The following WNT16 variants were observed in gnomAD, a reference collection of about 807,000 sequenced individuals.
WNT16 encodes protein Wnt-16.
In WNT16, 20 loss-of-function variants were observed where a neutral mutation model predicts 35.4. That is an observed-to-expected ratio of 0.56 (90% CI 0.40 to 0.82). The LOEUF is 0.82. Among genes scored for constraint, WNT16 ranks in the 40% least tolerant of loss-of-function variants. The pLI is 0.00. For missense variants in WNT16, 461 were observed against 466.0 expected, an observed-to-expected ratio of 0.99 and a Z score of 0.10; for synonymous variants, 180 against 179.2, an observed-to-expected ratio of 1.00 and a Z score of -0.03.
rs775645002 is a variant in WNT16 at position 121,329,564 on chromosome 7, C to T, written c.96-3C>T. ...TAACGCTACGGGCGGCCGTGTCTTA[C>T]AGGTGGTTGGGCATTGCCTCCTTCG... On this transcript the variant is annotated splice_polypyrimidine_tract_variant and splice_region_variant and intron_variant, in intron 1 of 3. Coordinates refer to ENST00000222462, the MANE Select transcript of WNT16 (RefSeq NM_057168.2). 6 of 1,613,908 alleles carry T rather than the reference C, an allele frequency of 3.7e-6. No homozygotes were observed. Among genetic ancestry groups the T allele is most frequent in the Non-Finnish European group, 4.2e-6 (5 of 1,179,860 alleles).
chr7:121,325,983 G>A (rs1192057361), upstream of WNT16, among the ~76,000 whole-genome samples: 1 of 133,164 alleles, frequency 7.5e-6, no homozygotes, highest in Non-Finnish European at 1.5e-5. Context: ...AGGCTGCAGT[G>A]AGTCATGATA....
Position 121,340,115 on chromosome 7 carries a change from A to T in WNT16, c.*770A>T, listed in dbSNP as rs940825056. 6.6e-6 allele frequency: 1 copy of T among 152,206 alleles called. No homozygotes were observed. The highest frequency in any genetic ancestry group is 1.5e-5 in the Non-Finnish European group (1 of 68,018). The allele number at this position is 152,206 out of a possible 1,614,324, so 9.4% of individuals were successfully genotyped here. A position where few individuals can be genotyped will look rare whatever the true frequency, so the allele number is the denominator to read the frequency against. On this transcript the variant is annotated 3_prime_UTR_variant, in exon 4 of 4. Coordinates refer to ENST00000222462, the MANE Select transcript of WNT16 (RefSeq NM_057168.2). Reference sequence around the variant, plus strand: ...CTTTAGATTCATACTTTTATCACAGATCAGTTTCAACTGTTAAAAACCCAC... The same window carrying T: ...CTTTAGATTCATACTTTTATCACAGTTCAGTTTCAACTGTTAAAAACCCAC...
chr7:121,329,868 TCCA>T (rs1793311408), intron 2 of WNT16, 51 bp downstream of exon 2: 9 of 1,579,478 alleles, frequency 5.7e-6, no homozygotes, highest in Non-Finnish European at 6.8e-6. Flanking sequence ...CGACAACTCC[TCCA>T]CCGGTTCCTG....
chr7:121,335,674 C>T (rs1793432108), intron 3 of WNT16, among the ~76,000 whole-genome samples: 1 of 152,012 alleles, frequency 6.6e-6, no homozygotes, highest in Non-Finnish European at 1.5e-5. Context: ...GGAAAATCTC[C>T]AGAATACACT....
intron 3 of WNT16, among the ~76,000 whole-genome samples, chr7:121,334,346 G>A (rs1211230883): frequency 6.6e-6 from 1 of 151,726 alleles, no homozygotes; most frequent in Non-Finnish European, 1.5e-5. Flanking sequence ...TTTCTCTTGA[G>A]GTATTATAAT....
Position 121,329,335 on chromosome 7 carries a change from C to A in WNT16, c.43C>A (p.Leu15Met), listed in dbSNP as rs761555296. 7 of 1,601,284 alleles carry A rather than the reference C, an allele frequency of 4.4e-6. No individual in the cohort carries two copies. The East Asian group carries it at 1.6e-4, about 36-fold the overall frequency. The change falls in exon 1 of 4, where the codon CTG becomes ATG. Residue 15 changes from leucine (L) to methionine (M), a missense_variant. By Grantham distance (15) the Leu-to-Met change is conservative. Coordinates refer to ENST00000222462, the MANE Select transcript of WNT16 (RefSeq NM_057168.2). ...CCTGGGACTGGCCCGCTTGTGCGCG[C>A]TGTGGGCAGCCCTGCTCGTGCTGTT... ...ALLGLARLCA[L>M]WAALLVLFPY... is the part of the protein sequence containing the mutation.
Position 121,329,194 on chromosome 7 carries a change from G to T in WNT16, c.-99G>T. The stretch of plus-strand genomic sequence containing the variant: ...GTATGCAAGGAGGAAGAGGGCGAGG[G>T]ATAACTTGGTGCTGGACAACTGACC... On this transcript the variant is annotated 5_prime_UTR_variant, in exon 1 of 4. Coordinates refer to ENST00000222462, the MANE Select transcript of WNT16 (RefSeq NM_057168.2). 1 of 1,440,538 alleles carries T rather than the reference G, an allele frequency of 6.9e-7. No individual in the cohort carries two copies. 89.2% of individuals were successfully genotyped at this position (1,440,538 alleles called of 1,614,324 possible). A position where few individuals can be genotyped will look rare whatever the true frequency, so the allele number is the denominator to read the frequency against.
upstream of WNT16, among the ~76,000 whole-genome samples, chr7:121,326,065 A>AAAAAAG (rs71170244): frequency 3.3e-5 from 5 of 149,866 alleles, no homozygotes; most frequent in Non-Finnish European, 7.4e-5. Flanking sequence ...AAAAAAAAAA[A>AAAAAAG]GGAGGGGCCT....
rs1346384704 is a variant in WNT16, at chr7:121,329,354, T to G, written c.62T>G (p.Val21Gly). Reference protein sequence around the residue: ...RLCALWAALLVLFPYGAQGNW... With the variant: ...RLCALWAALLGLFPYGAQGNW... ...TGCGCGCTGTGGGCAGCCCTGCTCG[T>G]GCTGTTCCCCTACGGAGCCCAAGGA... The change falls in exon 1 of 4, where the codon GTG becomes GGG. Residue 21 changes from valine (V) to glycine (G), a missense_variant. Val to Gly is a moderately radical substitution (Grantham distance 109). Coordinates refer to ENST00000222462, the MANE Select transcript of WNT16 (RefSeq NM_057168.2). 1 of 1,608,510 alleles carries G rather than the reference T, an allele frequency of 6.2e-7. No individual in the cohort carries two copies. The highest frequency in any genetic ancestry group is 8.5e-7 in the Non-Finnish European group (1 of 1,177,532).
upstream of WNT16, among the ~76,000 whole-genome samples, chr7:121,328,148 G>A (rs986514687): frequency 6.6e-6 from 1 of 152,178 alleles, no homozygotes; most frequent in Non-Finnish European, 1.5e-5. Context: ...GGGACGCATC[G>A]GGTAGGTGGC....
rs1222012080 is a variant in WNT16, at chr7:121,340,452, A to C, written c.*1107A>C. ...TTGGACATCGAAGAGAATTTAACTT[A>C]GCAGTTAGTTATATGGATGTGTATT... On this transcript the variant is annotated 3_prime_UTR_variant, in exon 4 of 4. Transcript: ENST00000222462. The C allele has an allele frequency of 6.6e-6, 1 of 152,058 alleles. No individual in the cohort carries two copies. Among genetic ancestry groups the C allele is most frequent in the African/African-American group, 2.4e-5 (1 of 41,436 alleles). 9.4% of individuals were successfully genotyped at this position (152,058 alleles called of 1,614,324 possible). A position where few individuals can be genotyped will look rare whatever the true frequency, so the allele number is the denominator to read the frequency against.
In WNT16 at chr7:121,330,015, CAGTTCCAGAGCGG is replaced by C. The variant is rs1338299041; in HGVS notation, c.346+201_346+213del. On this transcript the variant is annotated intron_variant, in intron 2 of 3. Transcript: ENST00000222462. ...GCGAGCCTGGAGGGAGGTGACTCCC[CAGTTCCAGAGCGG>C]AGCTCTAGGGGCTGGAGCTCTTCCT... Among the ~76,000 whole-genome samples, 51 of 152,360 alleles carry C rather than the reference CAGTTCCAGAGCGG, an allele frequency of 3.3e-4. 1 individual carries two copies. Among genetic ancestry groups the C allele is most frequent in the Non-Finnish European group, 1.5e-4 (10 of 68,036 alleles).
At chr7:121,333,131 G>A (rs1793380489) in intron 3 of WNT16, among the ~76,000 whole-genome samples, 1 of 151,852 alleles carries the variant, frequency 6.6e-6, no homozygotes, top group Non-Finnish European at 1.5e-5. Context: ...AACTTATAAA[G>A]GTCCCAAAGT....
chr7:121,332,509 A>G (rs1231085475), intron 3 of WNT16, among the ~76,000 whole-genome samples: 13 of 152,278 alleles, frequency 8.5e-5, no homozygotes, highest in African/African-American at 3.1e-4. Flanking sequence ...TGCCTTTCTA[A>G]TAGAACTGAG....
In WNT16 at chr7:121,329,640, A is replaced by G; in HGVS notation, c.169A>G (p.Lys57Glu). Residue 57 changes from lysine (K) to glutamate (E), a missense_variant, in exon 2 of 4, where the codon AAG (lysine) becomes GAG (glutamate). By Grantham distance (56) the Lys-to-Glu change is moderately conservative. Coordinates refer to ENST00000222462, the MANE Select transcript of WNT16 (RefSeq NM_057168.2). ...CANLPLNSRQ[K>E]ELCKRKPYLL... is the part of the protein sequence containing the mutation. ...CAATTTGCCGCTGAACAGCCGCCAGAAGGAGCTGTGCAAGAGGAAACCGTA... is the reference window on the plus strand; with the variant it reads ...CAATTTGCCGCTGAACAGCCGCCAGGAGGAGCTGTGCAAGAGGAAACCGTA... The G allele has an allele frequency of 6.2e-7, 1 of 1,614,198 alleles. No homozygotes were observed. The highest frequency in any genetic ancestry group is 1.7e-5 in the Admixed American group (1 of 60,030).
rs200737615 is a variant in WNT16 at position 121,329,751 on chromosome 7, A to T, written c.280A>T (p.Ile94Phe). The T allele has an allele frequency of 1.2e-6, 2 of 1,609,382 alleles. No individual in the cohort carries two copies. Among genetic ancestry groups the T allele is most frequent in the East Asian group, 4.5e-5 (2 of 44,874 alleles). The stretch of plus-strand genomic sequence containing the variant: ...CAGACACGAGAGATGGAACTGCATG[A>T]TCACCGCCGCCGCCACTACCGCCCC... Reference protein sequence around the residue: ...QFRHERWNCMITAAATTAPMG... With the variant: ...QFRHERWNCMFTAAATTAPMG... The change falls in exon 2 of 4, where the codon ATC becomes TTC. Residue 94 changes from isoleucine (I) to phenylalanine (F), a missense_variant. By Grantham distance (21) the Ile-to-Phe change is conservative (BLOSUM62 0). Coordinates refer to ENST00000222462, the MANE Select transcript of WNT16 (RefSeq NM_057168.2).
chr7:121,338,001 T>TG (rs1329854514), intron 3 of WNT16, among the ~76,000 whole-genome samples: 1 of 152,170 alleles, frequency 6.6e-6, no homozygotes, highest in African/African-American at 2.4e-5. Context: ...GAGAATTTGC[T>TG]GGGGGGAGCC....
At position 121,340,135 on chromosome 7, in the gene WNT16, A is replaced by T. The variant is rs1179202382; in HGVS notation, c.*790A>T. 6.6e-6 allele frequency: 1 copy of T among 152,114 alleles called. No homozygotes were observed. Among genetic ancestry groups the T allele is most frequent in the Non-Finnish European group, 1.5e-5 (1 of 67,990 alleles). The allele number at this position is 152,114 out of a possible 1,614,324, so 9.4% of individuals were successfully genotyped here. ...CACAGATCAGTTTCAACTGTTAAAA[A>T]CCCACCTCTGAGATACTGGGGGGAG... On this transcript the variant is annotated 3_prime_UTR_variant, in exon 4 of 4. Transcript: ENST00000222462.
chr7:121,325,603 A>T, upstream of WNT16: 1 of 845,712 alleles, frequency 1.2e-6, no homozygotes, highest in African/African-American at 1.7e-5. Context: ...AGACACGGTA[A>T]TCTGAGTTTT....
Sources: gnomAD v4.1 joint callset for allele counts (sites outside exome capture counted in the v4.1 genomes callset) on GRCh38, gnomAD v4.1.1 for gene constraint, MANE v1.5 for transcripts, NCBI Gene and HGNC (gene_info 2026-07-23, HGNC 2026-07-21) for gene names.